Variants in AGPAT5 observed in about 807,000 individuals in gnomAD.
AGPAT5 encodes the protein 1-acyl-sn-glycerol-3-phosphate acyltransferase epsilon.
A neutral mutation model predicts 45.6 loss-of-function variants in AGPAT5; 46 were observed. That is an observed-to-expected ratio of 1.01 (90% CI 0.80 to 1.29). The LOEUF (loss-of-function observed/expected upper bound fraction) is 1.29. AGPAT5 is among the 50% of genes most tolerant of loss of function. AGPAT5 has a pLI of 0.00. For synonymous variants in AGPAT5, 272 were observed against 167.0 expected, an observed-to-expected ratio of 1.63 and a Z score of -4.85; for missense variants, 673 against 450.7, an observed-to-expected ratio of 1.49 and a Z score of -4.47.
intron 7 of AGPAT5, among the ~76,000 whole-genome samples, chr8:6,755,608 T>A (rs1265378570): frequency 6.6e-6 from 1 of 152,190 alleles, no homozygotes. Flanking sequence ...ATGATGCTGT[T>A]ATATTTGTTG....
chr8:6,722,255 G>A (rs1229479435), intron 1 of AGPAT5, among the ~76,000 whole-genome samples: 1 of 152,180 alleles, frequency 6.6e-6, no homozygotes, highest in African/African-American at 2.4e-5. Context: ...GCAGTTAGGG[G>A]AAGGGCAGAG....
At position 6,738,128 on chromosome 8, in the gene AGPAT5, C is replaced by T. The variant is rs114344190; in HGVS notation, c.496-3533C>T. Among the ~76,000 whole-genome samples the T allele has an allele frequency of 1.6e-3, 248 of 152,310 alleles. 1 individual carries two copies. The highest frequency in any genetic ancestry group is 5.6e-3 in the African/African-American group (234 of 41,562). On this transcript the variant is annotated intron_variant, in intron 4 of 7. Transcript: ENST00000285518. ...TCTTTAAGAACTTTTCCTTTGCATC[C>T]GCAACTTGGCTGTTTAGTGGAAAGG...
intron 1 of AGPAT5, among the ~76,000 whole-genome samples, chr8:6,710,307 T>C (rs767448604): frequency 3.3e-5 from 5 of 152,228 alleles, no homozygotes; most frequent in Non-Finnish European, 7.3e-5. Flanking sequence ...AGAGATCCGA[T>C]TTACTTCTTG....
At chr8:6,732,499 A>G in intron 3 of AGPAT5, 62 bp from the exon 4 acceptor site, 1 of 1,377,848 alleles carries the variant, frequency 7.3e-7, no homozygotes, top group Non-Finnish European at 9.8e-7. Flanking sequence ...TGCCTTTTTG[A>G]TGACTCTGGC....
At chr8:6,752,124 C>G (rs1470975214) in intron 6 of AGPAT5, among the ~76,000 whole-genome samples, 5 of 152,062 alleles carry the variant, frequency 3.3e-5, no homozygotes, top group African/African-American at 1.2e-4. Flanking sequence ...TTGCAGTGAG[C>G]TAAGATCGTG....
At chr8:6,734,477 A>C (rs28803807) in intron 4 of AGPAT5, among the ~76,000 whole-genome samples, 1 of 151,804 alleles carries the variant, frequency 6.6e-6, no homozygotes, top group African/African-American at 2.4e-5. Context: ...TCTCTGTGCT[A>C]GTGTATCTAT....
rs563164776 is a variant in AGPAT5, at chr8:6,733,722, T to A, written c.495+1072T>A. Among the ~76,000 whole-genome samples the A allele has an allele frequency of 2.6e-5, 4 of 152,218 alleles. 1 individual carries two copies. The South Asian group carries it at 8.3e-4, about 32-fold the overall frequency. On this transcript the variant is annotated intron_variant, in intron 4 of 7. Transcript: ENST00000285518. The stretch of plus-strand genomic sequence containing the variant: ...GTTTATCGACTTTTTACAAAAAAAA[T>A]TTAAAAATCATGAATTTATACCTTA...
chr8:6,730,617 A>T, intron 2 of AGPAT5, 94 bp from the exon 3 acceptor site: 1 of 96,054 alleles, frequency 1.0e-5, no homozygotes, highest in Non-Finnish European at 1.5e-5. Context: ...GGCGTGAGCC[A>T]CCGCGCCCGG....
chr8:6,717,833 A>G (rs1235332646), intron 1 of AGPAT5, among the ~76,000 whole-genome samples: 2 of 152,242 alleles, frequency 1.3e-5, no homozygotes, highest in Admixed American at 1.3e-4. Context: ...CAAAGTGAAA[A>G]AAATTACATA....
At chr8:6,710,079 A>G (rs1052577835) in intron 1 of AGPAT5, among the ~76,000 whole-genome samples, 1 of 152,200 alleles carries the variant, frequency 6.6e-6, no homozygotes, top group Non-Finnish European at 1.5e-5. Flanking sequence ...TCATGTGACA[A>G]CTGGCCTGGG....
chr8:6,735,412 C>G (rs896306972), intron 4 of AGPAT5, among the ~76,000 whole-genome samples: 2 of 152,212 alleles, frequency 1.3e-5, no homozygotes, highest in African/African-American at 4.8e-5. Flanking sequence ...TGGGTCGAGC[C>G]TGTGAAATGT....
At chr8:6,755,196 A>G (rs772629927) in intron 7 of AGPAT5, 22 bp downstream of exon 7, 1 of 1,586,186 alleles carries the variant, frequency 6.3e-7, no homozygotes, top group Non-Finnish European at 8.5e-7. Context: ...CAGTTCCAGC[A>G]CTTCCGGAAC....
chr8:6,754,423 G>A (rs903573623), intron 6 of AGPAT5, among the ~76,000 whole-genome samples: 2 of 152,226 alleles, frequency 1.3e-5, no homozygotes, highest in African/African-American at 4.8e-5. Context: ...CAATGGCCAA[G>A]TTAGAGAGGA....
intron 5 of AGPAT5, among the ~76,000 whole-genome samples, chr8:6,744,666 C>G (rs1203048098): frequency 6.6e-6 from 1 of 152,198 alleles, no homozygotes; most frequent in South Asian, 2.1e-4. Context: ...GGCACTGGCT[C>G]GCCCACACCA....
At position 6,758,670 on chromosome 8, in the gene AGPAT5, T is replaced by G. The variant is rs1055052610; in HGVS notation, c.*1282T>G. The G allele has an allele frequency of 6.6e-6, 1 of 152,666 alleles. No homozygotes were observed. Among genetic ancestry groups the G allele is most frequent in the African/African-American group, 2.4e-5 (1 of 41,466 alleles). The allele number at this position is 152,666 out of a possible 1,614,324, so 9.5% of individuals were successfully genotyped here. On this transcript the variant is annotated 3_prime_UTR_variant, in exon 8 of 8. Transcript: ENST00000285518. ...CCATTAGGTTTAGTGGAGCTACACA[T>G]TAATATGTATCGCCTTAGAGCAAGA...
chr8:6,711,933 A>G (rs926129748), intron 1 of AGPAT5, among the ~76,000 whole-genome samples: 2 of 152,210 alleles, frequency 1.3e-5, no homozygotes, highest in African/African-American at 4.8e-5. Context: ...CTTCATCTCA[A>G]GATCCTTAAT....
At chr8:6,737,108 T>G (rs1458388609) in intron 4 of AGPAT5, among the ~76,000 whole-genome samples, 1 of 152,226 alleles carries the variant, frequency 6.6e-6, no homozygotes, top group East Asian at 1.9e-4. Flanking sequence ...CCCTGTTTTT[T>G]GTGGGCAAAA....
chr8:6,741,754 A>G lies in AGPAT5; in HGVS notation c.586+3A>G, dbSNP rs1228555686. ...TCAGGCATTTGCTGCCCAACGTGGT[A>G]AGTAAAAATTTGAGTGTTTGAACAA... On this transcript the variant is annotated splice_donor_region_variant and intron_variant, in intron 5 of 7. Coordinates refer to ENST00000285518, the MANE Select transcript of AGPAT5 (RefSeq NM_018361.5). 6.2e-7 allele frequency: 1 copy of G among 1,607,698 alleles called. No homozygotes were observed. The highest frequency in any genetic ancestry group is 1.1e-5 in the South Asian group (1 of 90,232).
At chr8:6,732,757 A>G in intron 4 of AGPAT5, 107 bp downstream of exon 4, 2 of 1,013,496 alleles carry the variant, frequency 2.0e-6, no homozygotes, top group Non-Finnish European at 2.8e-6. Context: ...CCCATGTGTA[A>G]TTACTAATTC....
Sources: gnomAD v4.1 joint callset for allele counts (sites outside exome capture counted in the v4.1 genomes callset) on GRCh38, gnomAD v4.1.1 for gene constraint, MANE v1.5 for transcripts, NCBI Gene and HGNC (gene_info 2026-07-23, HGNC 2026-07-21) for gene names.